USP24: variants seen among roughly 807,000 people sequenced by gnomAD.
USP24 encodes the protein ubiquitin specific peptidase 24.
In USP24, 97 loss-of-function variants were observed where a neutral mutation model predicts 361.6. The ratio of observed to expected loss-of-function variants is 0.27; its 90% CI spans 0.23 to 0.32. The LOEUF (loss-of-function observed/expected upper bound fraction) is 0.32. USP24 is among the 10% of genes least tolerant of loss of function. The pLI is 1.00. For synonymous variants in USP24, 1,098 were observed against 1,124.6 expected, an observed-to-expected ratio of 0.98 and a Z score of 0.47; for missense variants, 2,353 against 3,165.6, an observed-to-expected ratio of 0.74 and a Z score of 6.16.
rs568786752 is a variant in USP24 at position 55,068,766 on chromosome 1, C to G, written c.*279G>C. On this transcript the variant is annotated 3_prime_UTR_variant, in exon 68 of 68. Transcript: ENST00000294383. Reference sequence around the variant, plus strand: ...GTGTAACAAAAAAGTCTGCCACTGGCTCTATTTCCGAAAATCTCCACAGAA... The same window carrying G: ...GTGTAACAAAAAAGTCTGCCACTGGGTCTATTTCCGAAAATCTCCACAGAA... 5 of 417,070 alleles carry G rather than the reference C, an allele frequency of 1.2e-5. No homozygotes were observed. In the East Asian group the frequency reaches 1.5e-4, roughly 13 times the overall value. 25.8% of individuals were successfully genotyped at this position (417,070 alleles called of 1,614,324 possible). A position where few individuals can be genotyped will look rare whatever the true frequency, so the allele number is the denominator to read the frequency against.
chr1:55,080,867 AT>A (rs1479832527), intron 59 of USP24, among the ~76,000 whole-genome samples: 69 of 152,336 alleles, frequency 4.5e-4, no homozygotes, highest in Non-Finnish European at 8.8e-5. Flanking sequence ...TTATATCTGC[AT>A]CCCCTTTGTT....
rs774014262 is a variant in USP24, at chr1:55,107,310, A to G, written c.4691T>C (p.Ile1564Thr). 2 of 1,613,976 alleles carry G rather than the reference A, an allele frequency of 1.2e-6. No homozygotes were observed. Among genetic ancestry groups the G allele is most frequent in the East Asian group, 2.2e-5 (1 of 44,880 alleles). ...AECETSEADN[I>T]LLAGHLRLIK... ...GAGGCGTAAGTGCCCTGCCAGTAAG[A>G]TGTTGTCCGCTTCACTGGTCTCACA... The change falls in exon 40 of 68, where the codon ATC becomes ACC. Residue 1564 changes from isoleucine to threonine, a missense_variant. By Grantham distance (89) the Ile-to-Thr change is moderately conservative (BLOSUM62 -1). This residue lies in a region of USP24 where 949 missense variants were observed against 1,280.5 expected (regional missense o/e 0.74). Transcript: ENST00000294383.
chr1:55,103,878 C>G lies in USP24; in HGVS notation c.5023G>C (p.Asp1675His), dbSNP rs746897006. ...QPDPALTKEF[D>H]YLPPVDSRSS... The stretch of plus-strand genomic sequence containing the variant: ...TCATCAACGTCTAGAAAACCTACAT[C>G]AAACTCCTTGGTAAGAGCAGGGTCA... The change falls in exon 42 of 68, where the codon GAT (aspartate) becomes CAT (histidine). Residue 1675 changes from aspartate to histidine, a missense_variant and splice_region_variant. By Grantham distance (81) the Asp-to-His change is moderately conservative (BLOSUM62 -1). Around this residue, in one of 8 missense-constraint regions of USP24, gnomAD observed 949 missense variants for 1,280.5 expected, o/e 0.74. Transcript: ENST00000294383. 1.2e-6 allele frequency: 2 copies of G among 1,609,332 alleles called. No homozygotes were observed. The highest frequency in any genetic ancestry group is 1.7e-6 in the Non-Finnish European group (2 of 1,178,218).
chr1:55,072,417 T>C lies in USP24; in HGVS notation c.7603-14A>G. ...ATGTTCTGACATCTGAGATGAAAGG[T>C]CAAAAATGCCATCAGAGGTGACAAA... On this transcript the variant is annotated splice_polypyrimidine_tract_variant and intron_variant, in intron 65 of 67. Coordinates refer to ENST00000294383, the MANE Select transcript of USP24 (RefSeq NM_015306.3). 1 of 1,605,788 alleles carries C rather than the reference T, an allele frequency of 6.2e-7. No homozygotes were observed. The highest frequency in any genetic ancestry group is 8.5e-7 in the Non-Finnish European group (1 of 1,174,946).
At chr1:55,162,287 A>G in intron 7 of USP24, 23 bp from the exon 8 acceptor site, 1 of 1,528,644 alleles carries the variant, frequency 6.5e-7, no homozygotes, top group Non-Finnish European at 8.8e-7. Flanking sequence ...AGTGAAGATT[A>G]AAAATACATT....
At chr1:55,191,900 T>C (rs541087783) in intron 1 of USP24, among the ~76,000 whole-genome samples, 11 of 152,350 alleles carry the variant, frequency 7.2e-5, no homozygotes, top group African/African-American at 2.4e-4. Flanking sequence ...GTTTAAAATA[T>C]AGATTATTTT....
rs181471399 is a variant in USP24 at position 55,132,276 on chromosome 1, A to G, written c.3537+269T>C. 3.4e-3 allele frequency among the ~76,000 whole-genome samples: 525 copies of G among 152,278 alleles called. 17 individuals carry two copies. The highest frequency in any genetic ancestry group is 1.9e-3 in the East Asian group (10 of 5,178). On this transcript the variant is annotated intron_variant, in intron 31 of 67. Coordinates refer to ENST00000294383, the MANE Select transcript of USP24 (RefSeq NM_015306.3). ...TGATCTTGGACTCCCTAGCCACTCC[A>G]ACTATGAGAAATAAATGCTTGCAGT...
intron 28 of USP24, among the ~76,000 whole-genome samples, chr1:55,135,641 A>G (rs1355955923): frequency 1.3e-5 from 2 of 152,214 alleles, no homozygotes; most frequent in African/African-American, 2.4e-5. Flanking sequence ...CTAAACTTGA[A>G]GAGTTCTTTG....
chr1:55,073,925 A>G lies in USP24; in HGVS notation c.7448-19T>C. The G allele has an allele frequency of 1.3e-6, 2 of 1,553,210 alleles. No homozygotes were observed. The highest frequency in any genetic ancestry group is 2.4e-5 in the East Asian group (1 of 41,748). On this transcript the variant is annotated intron_variant, in intron 63 of 67. Transcript: ENST00000294383. ...ATCAAAGCTGAGGGAAGAGAAAAGG[A>G]CATTTTAACAATAAAAGACTCAACT... is the stretch of plus-strand genomic sequence containing the variant.
At chr1:55,143,302 A>G (rs761059372) in intron 21 of USP24, among the ~76,000 whole-genome samples, 183 bp from the exon 22 acceptor site, 1 of 152,196 alleles carries the variant, frequency 6.6e-6, no homozygotes, top group Non-Finnish European at 1.5e-5. Flanking sequence ...AAAGCAACCA[A>G]CCACAGAAGC....
chr1:55,138,551 C>T, intron 26 of USP24, 57 bp downstream of exon 26: 5 of 1,310,518 alleles, frequency 3.8e-6, no homozygotes, highest in Non-Finnish European at 4.3e-6. Context: ...ATCAAGACTG[C>T]TTTATGAAAA....
Position 55,120,695 on chromosome 1 carries a change from G to A in USP24, c.4409C>T (p.Pro1470Leu). ...AAACTGATTTGGCTTCTGCACATCT[G>A]GATGCGCTGATGTGTCTGTCTGACT... ...TLSQTDTSAH[P>L]DVQKPNQFLL... The change falls in exon 38 of 68, where the codon CCA becomes CTA. Residue 1470 changes from proline to leucine, a missense_variant. Physicochemically the swap from Pro to Leu is moderately conservative, Grantham distance 98 (BLOSUM62 -3). Transcript: ENST00000294383. 1 of 1,572,982 alleles carries A rather than the reference G, an allele frequency of 6.4e-7. No individual in the cohort carries two copies. The highest frequency in any genetic ancestry group is 8.6e-7 in the Non-Finnish European group (1 of 1,158,024).
intron 12 of USP24, among the ~76,000 whole-genome samples, chr1:55,156,102 G>A (rs1647629233): frequency 6.6e-6 from 1 of 152,046 alleles, no homozygotes; most frequent in Admixed American, 6.6e-5. Context: ...AGTGCTCCAG[G>A]TTTTTCTCTG....
At chr1:55,151,882 G>A (rs553040855) in intron 16 of USP24, 1 of 984,792 alleles carries the variant, frequency 1.0e-6, no homozygotes, top group African/African-American at 1.7e-5. Flanking sequence ...AGGGTGGGAG[G>A]GGAGTAAGAA....
chr1:55,154,488 G>A (rs1423482370), intron 13 of USP24, 22 bp from the exon 14 acceptor site: 2 of 1,544,648 alleles, frequency 1.3e-6, no homozygotes, highest in African/African-American at 1.4e-5. Context: ...AAAAGACACA[G>A]GAATTGCTTC....
Position 55,213,916 on chromosome 1 carries a change from G to T in USP24, c.324+874C>A, listed in dbSNP as rs564062924. Reference sequence around the variant, plus strand: ...CTCCCACCCTGTTCCGCGCCCCTCTGCATAGCACCCTCAGTATGACTACCA... The same window carrying T: ...CTCCCACCCTGTTCCGCGCCCCTCTTCATAGCACCCTCAGTATGACTACCA... On this transcript the variant is annotated intron_variant, in intron 1 of 67. Coordinates refer to ENST00000294383, the MANE Select transcript of USP24 (RefSeq NM_015306.3). Among the ~76,000 whole-genome samples the T allele has an allele frequency of 2.6e-4, 39 of 151,848 alleles. No homozygotes were observed. In the South Asian group the frequency reaches 5.8e-3, roughly 23 times the overall value.
chr1:55,167,116 T>C (rs1648959001), intron 5 of USP24, among the ~76,000 whole-genome samples: 1 of 152,158 alleles, frequency 6.6e-6, no homozygotes, highest in Non-Finnish European at 1.5e-5. Flanking sequence ...TACCTGCTTT[T>C]ATGAAGCTCA....
Position 55,098,526 on chromosome 1 carries a change from T to A in USP24, c.5403A>T (p.Thr1801=), listed in dbSNP as rs998438214. 6 of 1,612,714 alleles carry A rather than the reference T, an allele frequency of 3.7e-6. No homozygotes were observed. The African/African-American group carries it at 8.0e-5, about 22-fold the overall frequency. ...TCTGATCAGAGTAGATGCCCTGAAA[T>A]GTATTCTTAAAAATTTGGTCTCTCC... The part of the protein sequence containing the change: ...KMGRDQIFKN[T]FQGIYSDQKI... The change falls in exon 46 of 68, where the codon ACA becomes ACT. Residue 1801 remains threonine (T), a synonymous_variant. Transcript: ENST00000294383.
At chr1:55,187,709 A>G (rs1187313217) in intron 1 of USP24, among the ~76,000 whole-genome samples, 1 of 152,244 alleles carries the variant, frequency 6.6e-6, no homozygotes, top group Non-Finnish European at 1.5e-5. Context: ...AACATTAAAA[A>G]GAATAAAATA....
Sources: allele counts gnomAD v4.1 joint callset (sites outside exome capture counted in the v4.1 genomes callset), GRCh38; gene constraint gnomAD v4.1.1; regional missense constraint gnomAD v4.1.1; transcripts MANE v1.5; gene names NCBI Gene and HGNC (gene_info 2026-07-23, HGNC 2026-07-21).